The following COL21A1 variants were observed in gnomAD, a reference collection of about 807,000 sequenced individuals.
COL21A1 encodes collagen alpha-1(XXI) chain.
COL21A1 carries 149 observed loss-of-function variants against 137.9 expected under a neutral mutation model. The ratio of observed to expected loss-of-function variants is 1.08; its 90% confidence interval spans 0.95 to 1.24. The LOEUF is 1.24. Among genes scored for constraint, COL21A1 ranks in the 50% most tolerant of loss-of-function variants. COL21A1 has a pLI of 0.00. For synonymous variants in COL21A1, 456 were observed against 391.5 expected (o/e 1.16, Z -1.95); for missense variants, 1,167 against 1,158.4 (o/e 1.01, Z -0.11).
In COL21A1 at chr6:56,075,963, A is replaced by G. The variant is rs542604734; in HGVS notation, c.1858-431T>C. Among the ~76,000 whole-genome samples, 5 of 151,692 alleles carry G rather than the reference A, an allele frequency of 3.3e-5. No individual in the cohort carries two copies. The South Asian group carries it at 8.3e-4, about 25-fold the overall frequency. Reference sequence around the variant, plus strand: ...GCTGACTAGGTCCTCTAAGTCCAGAACAAAAATCCTAGAAGGAACATCCTC... The same window carrying G: ...GCTGACTAGGTCCTCTAAGTCCAGAGCAAAAATCCTAGAAGGAACATCCTC... On this transcript the variant is annotated intron_variant, in intron 18 of 29. Transcript: ENST00000244728.
intron 1 of COL21A1, among the ~76,000 whole-genome samples, chr6:56,225,335 C>T (rs1781119857): frequency 6.6e-6 from 1 of 152,076 alleles, no homozygotes; most frequent in African/African-American, 2.4e-5. Flanking sequence ...CCAACACCTG[C>T]TGCTGAGTGA....
At chr6:56,324,803 A>G (rs1313489739) in intron 1 of COL21A1, among the ~76,000 whole-genome samples, 1 of 152,044 alleles carries the variant, frequency 6.6e-6, no homozygotes, top group Non-Finnish European at 1.5e-5. Flanking sequence ...GAAAAATAGC[A>G]CGTGCAGGAA....
intron 12 of COL21A1, among the ~76,000 whole-genome samples, chr6:56,137,626 A>G (rs1774097077): frequency 6.6e-6 from 1 of 152,176 alleles, no homozygotes; most frequent in Non-Finnish European, 1.5e-5. Context: ...ACGACCATAC[A>G]ACAGAAGACA....
intron 1 of COL21A1, among the ~76,000 whole-genome samples, chr6:56,282,221 A>G (rs1373490531): frequency 1.3e-5 from 2 of 152,152 alleles, no homozygotes; most frequent in African/African-American, 4.8e-5. Context: ...AGTTGTAGGT[A>G]TCATGAGGAT....
chr6:56,376,725 T>G (rs6915564), intron 1 of COL21A1, among the ~76,000 whole-genome samples: 121,931 of 151,890 alleles, frequency 0.8, 49,361 homozygotes, highest in African/African-American at 0.91. Flanking sequence ...TGATGTGAAG[T>G]GTTGAAATAG....
chr6:56,158,406 G>T (rs924568075), intron 9 of COL21A1, among the ~76,000 whole-genome samples: 1 of 150,850 alleles, frequency 6.6e-6, no homozygotes, highest in Non-Finnish European at 1.5e-5. Flanking sequence ...CCAAGTAGCT[G>T]GGGTTACAGG....
chr6:56,261,393 A>C (rs1763270419), intron 1 of COL21A1, among the ~76,000 whole-genome samples: 1 of 152,174 alleles, frequency 6.6e-6, no homozygotes, highest in Admixed American at 6.5e-5. Flanking sequence ...TGAAATCTTA[A>C]CCTCTATGGT....
At chr6:56,358,410 T>G (rs987900065) in intron 1 of COL21A1, among the ~76,000 whole-genome samples, 3 of 152,216 alleles carry the variant, frequency 2.0e-5, no homozygotes, top group Non-Finnish European at 4.4e-5. Flanking sequence ...ATGTCCTCTC[T>G]AAACAATTGA....
intron 1 of COL21A1, among the ~76,000 whole-genome samples, chr6:56,303,383 T>TG (rs1305766375): frequency 4.0e-5 from 6 of 151,546 alleles, no homozygotes; most frequent in African/African-American, 1.4e-4. Flanking sequence ...TTCTTGCATT[T>TG]GTTTGTATCC....
At chr6:56,340,850 C>T (rs1415983350) in intron 1 of COL21A1, among the ~76,000 whole-genome samples, 1 of 152,190 alleles carries the variant, frequency 6.6e-6, no homozygotes, top group Admixed American at 6.5e-5. Context: ...GAGTTGTTAG[C>T]TCATGGAGCA....
intron 1 of COL21A1, among the ~76,000 whole-genome samples, chr6:56,384,996 A>C (rs1402052594): frequency 6.6e-6 from 1 of 152,210 alleles, no homozygotes; most frequent in Non-Finnish European, 1.5e-5. Flanking sequence ...AAGGAAACTT[A>C]ACATGACCTG....
chr6:56,152,274 CTCCT>C (rs1775387047), intron 10 of COL21A1, among the ~76,000 whole-genome samples: 1 of 152,170 alleles, frequency 6.6e-6, no homozygotes, highest in Non-Finnish European at 1.5e-5. Flanking sequence ...GACTCTGACA[CTCCT>C]GCCTCCCTTT....
chr6:56,352,738 T>A (rs1765739120), intron 1 of COL21A1, among the ~76,000 whole-genome samples: 1 of 151,668 alleles, frequency 6.6e-6, no homozygotes, highest in Admixed American at 6.6e-5. Flanking sequence ...AACTCAAGAG[T>A]CTTACAGAAA....
chr6:56,391,322 A>G (rs1166254133), intron 1 of COL21A1, among the ~76,000 whole-genome samples: 1 of 152,212 alleles, frequency 6.6e-6, no homozygotes, highest in Admixed American at 6.5e-5. Context: ...GAAGTGTATA[A>G]CAATAGACAC....
At chr6:56,115,642 A>G (rs1270068755) in intron 16 of COL21A1, among the ~76,000 whole-genome samples, 4 of 152,178 alleles carry the variant, frequency 2.6e-5, no homozygotes, top group African/African-American at 9.7e-5. Flanking sequence ...CATCAACACC[A>G]TTCAGGAAAA....
chr6:56,139,495 GCACATA>G (rs1440992793), intron 12 of COL21A1, among the ~76,000 whole-genome samples: 3 of 90,088 alleles, frequency 3.3e-5, no homozygotes, highest in African/African-American at 1.4e-4. Context: ...ACACACTTGT[GCACATA>G]CACACACACA....
rs1767923313 is a variant in COL21A1, at chr6:56,082,991, A to G, written c.1813-5418T>C. Among the ~76,000 whole-genome samples, 4 of 64,954 alleles carry G rather than the reference A, an allele frequency of 6.2e-5. No individual in the cohort carries two copies. In the South Asian group the frequency reaches 1.9e-3, roughly 30 times the overall value. The allele number at this position is 64,954 out of a possible 152,430, so 42.6% of individuals were successfully genotyped here. A position where few individuals can be genotyped will look rare whatever the true frequency, so the allele number is the denominator to read the frequency against. Reference sequence around the variant, plus strand: ...CATTTTCTTATAAAAATAATGAAACAATTGACAAGCATTGATTAAAGTAAA... The same window carrying G: ...CATTTTCTTATAAAAATAATGAAACGATTGACAAGCATTGATTAAAGTAAA... On this transcript the variant is annotated intron_variant, in intron 17 of 29. Transcript: ENST00000244728.
chr6:56,138,589 G>GTT (rs1774176850), intron 12 of COL21A1, among the ~76,000 whole-genome samples: 1 of 152,056 alleles, frequency 6.6e-6, no homozygotes. Context: ...AGTCAACAGT[G>GTT]TCAAACACTG....
chr6:56,136,029 A>G (rs1210290093), intron 12 of COL21A1, among the ~76,000 whole-genome samples: 1 of 152,212 alleles, frequency 6.6e-6, no homozygotes, highest in Non-Finnish European at 1.5e-5. Context: ...CATATGGGAA[A>G]TCATACTTAC....
Sources: gnomAD v4.1 joint callset for allele counts (sites outside exome capture counted in the v4.1 genomes callset) on GRCh38, gnomAD v4.1.1 for gene constraint, MANE v1.5 for transcripts, NCBI Gene and HGNC (gene_info 2026-07-23, HGNC 2026-07-21) for gene names.